Variants in ZNF273 observed in about 807,000 individuals in gnomAD.
ZNF273 encodes zinc finger protein 273.
Under a neutral mutation model 14.9 loss-of-function variants are expected in ZNF273, and 11 were observed. That is an observed-to-expected ratio of 0.74 (90% CI 0.46 to 1.22). ZNF273 has a LOEUF of 1.22. ZNF273 is among the 50% of genes most tolerant of loss of function. The probability of loss-of-function intolerance (pLI) is 0.00; values close to 1 mark genes in which losing one functional copy is unlikely to be tolerated. For synonymous variants in ZNF273, 199 were observed against 223.9 expected (o/e 0.89, Z 0.99); for missense variants, 577 against 660.6 (o/e 0.87, Z 1.39).
rs1239990300 is a variant in ZNF273, at chr7:64,929,369, C to T, written c.*331C>T. 2 of 166,382 alleles carry T rather than the reference C, an allele frequency of 1.2e-5. No individual in the cohort carries two copies. The highest frequency in any genetic ancestry group is 2.6e-5 in the Non-Finnish European group (2 of 77,506). 10.3% of individuals were successfully genotyped at this position (166,382 alleles called of 1,614,324 possible). ...AGGTTTGTAGTACCTTTGTTTGTAT[C>T]ATAGATCTTATTGTACACATTTTGT... On this transcript the variant is annotated 3_prime_UTR_variant, in exon 4 of 4. Coordinates refer to ENST00000476120, the MANE Select transcript of ZNF273 (RefSeq NM_021148.3).
At chr7:64,900,048 G>A (rs1749191232), upstream of ZNF273, among the ~76,000 whole-genome samples, 1 of 151,914 alleles carries the variant, frequency 6.6e-6, no homozygotes, top group Admixed American at 6.6e-5. Flanking sequence ...ACCACACCCT[G>A]CCTGGTTTCA....
At chr7:64,894,839 G>A (rs190953520), downstream of ZNF273, among the ~76,000 whole-genome samples, 40 of 151,992 alleles carry the variant, frequency 2.6e-4, no homozygotes, top group East Asian at 7.5e-3. Context: ...AGTTATATAC[G>A]AAAGATCGGG....
upstream of ZNF273, among the ~76,000 whole-genome samples, chr7:64,899,602 G>C (rs1792558840): frequency 6.6e-6 from 1 of 151,172 alleles, no homozygotes; most frequent in Non-Finnish European, 1.5e-5. Context: ...TTGAAGTAGA[G>C]CCAAGATCTT....
chr7:64,898,576 G>A (rs916127394), upstream of ZNF273, among the ~76,000 whole-genome samples: 1 of 152,164 alleles, frequency 6.6e-6, no homozygotes, highest in Non-Finnish European at 1.5e-5. Flanking sequence ...TCCATATTGA[G>A]TACTATAAAT....
chr7:64,911,510 G>A (rs752098480), intron 1 of ZNF273, among the ~76,000 whole-genome samples: 2 of 151,994 alleles, frequency 1.3e-5, no homozygotes, highest in Non-Finnish European at 2.9e-5. Context: ...TGATCCACCC[G>A]CCTTAGCCTC....
intron 1 of ZNF273, among the ~76,000 whole-genome samples, chr7:64,913,587 G>A (rs1167589464): frequency 6.6e-6 from 1 of 150,758 alleles, no homozygotes; most frequent in Non-Finnish European, 1.5e-5. Flanking sequence ...AAGAGACAGC[G>A]AAGAAGATAC....
chr7:64,927,706 T>C lies in ZNF273; in HGVS notation c.378T>C (p.Asp126=). The C allele has an allele frequency of 6.2e-7, 1 of 1,605,670 alleles. No homozygotes were observed. The highest frequency in any genetic ancestry group is 8.5e-7 in the Non-Finnish European group (1 of 1,177,588). Residue 126 remains aspartate (D), a synonymous_variant, in exon 4 of 4, where the codon GAT becomes GAC. Transcript: ENST00000476120. ...QDLWPKQGLK[D]SFQKVILRRY... is the part of the protein sequence containing the mutation. ...TTTGGCCAAAGCAGGGCTTAAAAGA[T>C]TCTTTTCAAAAAGTGATACTGAGAA... is the stretch of plus-strand genomic sequence containing the variant.
At chr7:64,897,561 C>T (rs553720328) in exon 4 of ZNF273, 3 of 152,012 alleles carry the variant, frequency 2.0e-5, no homozygotes, top group Non-Finnish European at 2.9e-5. Flanking sequence ...CTCCTGAGCT[C>T]GTGATCCACC....
At position 64,930,210 on chromosome 7, in the gene ZNF273, A is replaced by G. The variant is rs1794956805; in HGVS notation, c.*1172A>G. 6.6e-6 allele frequency: 1 copy of G among 152,070 alleles called. No individual in the cohort carries two copies. The highest frequency in any genetic ancestry group is 1.5e-5 in the Non-Finnish European group (1 of 68,018). The allele number at this position is 152,070 out of a possible 1,614,324, so 9.4% of individuals were successfully genotyped here. A position where few individuals can be genotyped will look rare whatever the true frequency, so the allele number is the denominator to read the frequency against. Reference sequence around the variant, plus strand: ...TTGTATTCACATGTGAAAGCATGTGATCAACTTGCTGCATCAAAGATATGA... The same window carrying G: ...TTGTATTCACATGTGAAAGCATGTGGTCAACTTGCTGCATCAAAGATATGA... On this transcript the variant is annotated 3_prime_UTR_variant, in exon 4 of 4. Coordinates refer to ENST00000476120, the MANE Select transcript of ZNF273 (RefSeq NM_021148.3).
At chr7:64,932,240 T>A (rs959730629), downstream of ZNF273, among the ~76,000 whole-genome samples, 331 of 135,126 alleles carry the variant, frequency 2.4e-3, 1 homozygote, top group South Asian at 7.0e-3. Context: ...AAAAAAAAAA[T>A]ATCTTACTAG....
In ZNF273 at chr7:64,903,314, C is replaced by T. The variant is rs763413363; in HGVS notation, c.-4C>T. The T allele has an allele frequency of 6.8e-6, 11 of 1,610,254 alleles. No individual in the cohort carries two copies. The highest frequency in any genetic ancestry group is 9.3e-6 in the Non-Finnish European group (11 of 1,177,040). On this transcript the variant is annotated 5_prime_UTR_variant, in exon 1 of 4. Transcript: ENST00000476120. The stretch of plus-strand genomic sequence containing the variant: ...GCAGCTCCAGGTCTCGTCTTCACTG[C>T]TCTATGTCCTCTGCTCCTAGAGGTC...
chr7:64,906,543 GCTTCAGCCCAGTGACT>G (rs1440571371), intron 1 of ZNF273, among the ~76,000 whole-genome samples: 1 of 152,114 alleles, frequency 6.6e-6, no homozygotes, highest in East Asian at 1.9e-4. Flanking sequence ...GGAAATTAAA[GCTTCAGCCCAGTGACT>G]CTAAGCTAAG....
At chr7:64,931,367 T>C (rs1047515407), downstream of ZNF273, among the ~76,000 whole-genome samples, 6 of 152,178 alleles carry the variant, frequency 3.9e-5, no homozygotes, top group Non-Finnish European at 1.5e-5. Context: ...CTGGTACTCA[T>C]GGTAGAGCCA....
At chr7:64,890,069 G>A (rs1481259800), downstream of ZNF273, 1 of 152,184 alleles carries the variant, frequency 6.6e-6, no homozygotes, top group Non-Finnish European at 1.5e-5. Context: ...CTTGCCCAAG[G>A]AGGCTGCACA....
intron 1 of ZNF273, among the ~76,000 whole-genome samples, chr7:64,914,637 C>G (rs1421450432): frequency 6.6e-6 from 1 of 152,116 alleles, no homozygotes. Context: ...TTGCTGGTGT[C>G]TGTGGCAAGG....
At chr7:64,885,443 T>C (rs1282411033) in intron 1 of ZNF273, among the ~76,000 whole-genome samples, 1 of 152,258 alleles carries the variant, frequency 6.6e-6, no homozygotes, top group Non-Finnish European at 1.5e-5. Flanking sequence ...TTGGTCACAT[T>C]TGCTACTCAT....
chr7:64,889,450 A>C, downstream of ZNF273: 3 of 985,634 alleles, frequency 3.0e-6, no homozygotes, highest in Non-Finnish European at 3.6e-6. This position sits in a 1 kb window ranked among gnomAD's most constrained non-coding sequence, Gnocchi z 4.2. Flanking sequence ...GGGTGGCCTC[A>C]CCTTTCCTGG....
At chr7:64,926,398 C>G (rs752805350) in intron 3 of ZNF273, among the ~76,000 whole-genome samples, 9 of 151,810 alleles carry the variant, frequency 5.9e-5, no homozygotes, top group Non-Finnish European at 1.0e-4. Flanking sequence ...TCAGATTTTC[C>G]TACTTTTAAA....
At chr7:64,892,555 G>A (rs1792101964), downstream of ZNF273, among the ~76,000 whole-genome samples, 1 of 152,120 alleles carries the variant, frequency 6.6e-6, no homozygotes, top group African/African-American at 2.4e-5. Flanking sequence ...GTTGCCTAAT[G>A]GTCATAAAAA....
Sources: gnomAD v4.1 joint callset for allele counts (sites outside exome capture counted in the v4.1 genomes callset) on GRCh38, gnomAD v4.1.1 for gene constraint, Gnocchi (gnomAD v3.1) non-coding constraint, MANE v1.5 for transcripts, NCBI Gene and HGNC (gene_info 2026-07-23, HGNC 2026-07-21) for gene names.